Variants in GATB observed in about 807,000 individuals in gnomAD.
GATB encodes glutamyl-tRNA amidotransferase subunit B, also known as glutamyl-tRNA(Gln) amidotransferase subunit B, mitochondrial.
A neutral mutation model predicts 62.3 loss-of-function variants in GATB; 39 were observed. That is an observed-to-expected ratio of 0.63 (90% confidence interval 0.48 to 0.82). The LOEUF is 0.82. Among genes scored for constraint, GATB ranks in the 40% least tolerant of loss-of-function variants. The pLI, the probability that GATB is intolerant of heterozygous loss-of-function variation, is 0.00. For synonymous variants in GATB, 276 were observed against 258.9 expected (o/e 1.07, Z -0.63); for missense variants, 670 against 684.0 (o/e 0.98, Z 0.23).
At position 151,679,769 on chromosome 4, in the gene GATB, T is replaced by C. The variant is rs572270367; in HGVS notation, c.1410+44A>G. On this transcript the variant is annotated intron_variant, in intron 11 of 12. Coordinates refer to ENST00000263985, the MANE Select transcript of GATB (RefSeq NM_004564.3). ...TTTGGGTGTCACAGAAAACATTTCT[T>C]GGGACAGTAGCACAGTCAGAAGCTG... The C allele has an allele frequency of 2.8e-5, 43 of 1,528,092 alleles. No individual in the cohort carries two copies. In the Admixed American group the frequency reaches 6.0e-4, roughly 21 times the overall value. The allele number at this position is 1,528,092 out of a possible 1,614,324, so 94.7% of individuals were successfully genotyped here. A position where few individuals can be genotyped will look rare whatever the true frequency, so the allele number is the denominator to read the frequency against.
At chr4:151,722,363 A>C in intron 2 of GATB, 1 of 603,036 alleles carries the variant, frequency 1.7e-6, no homozygotes, top group Non-Finnish European at 2.9e-6. Flanking sequence ...TGTCTTTCAT[A>C]CTAGGGTGAT....
chr4:151,670,890 C>A lies in GATB; in HGVS notation c.*284G>T. ...ATACATTTTATTTAGTTTAAAATTCCTTAATACAAGAAGGTGTTACTCCTT... is the reference window on the plus strand; with the variant it reads ...ATACATTTTATTTAGTTTAAAATTCATTAATACAAGAAGGTGTTACTCCTT... On this transcript the variant is annotated 3_prime_UTR_variant, in exon 13 of 13. Transcript: ENST00000263985. The A allele has an allele frequency of 3.0e-6, 1 of 333,088 alleles. No individual in the cohort carries two copies. The highest frequency in any genetic ancestry group is 4.8e-5 in the East Asian group (1 of 20,784). The allele number at this position is 333,088 out of a possible 1,614,324, so 20.6% of individuals were successfully genotyped here.
chr4:151,735,418 C>T (rs1337796322), intron 2 of GATB, among the ~76,000 whole-genome samples: 2 of 151,898 alleles, frequency 1.3e-5, no homozygotes, highest in African/African-American at 4.8e-5. Context: ...CAAGAAGGGC[C>T]ATAATCAAAA....
intron 2 of GATB, among the ~76,000 whole-genome samples, chr4:151,750,085 G>C (rs1739687709): frequency 6.6e-6 from 1 of 152,112 alleles, no homozygotes; most frequent in South Asian, 2.1e-4. Flanking sequence ...GTTTCACCGT[G>C]TTAGCCAGGA....
At chr4:151,740,576 G>T (rs570620356) in intron 2 of GATB, among the ~76,000 whole-genome samples, 2 of 152,194 alleles carry the variant, frequency 1.3e-5, no homozygotes. Flanking sequence ...CATATATGTA[G>T]TCTGTTGTTA....
At chr4:151,756,019 T>C (rs572951156) in intron 2 of GATB, among the ~76,000 whole-genome samples, 1 of 152,216 alleles carries the variant, frequency 6.6e-6, no homozygotes, top group African/African-American at 2.4e-5. Flanking sequence ...AACAGAAGAA[T>C]TGAGAGCCAA....
chr4:151,729,893 C>A (rs776781038), intron 2 of GATB, among the ~76,000 whole-genome samples: 6 of 152,146 alleles, frequency 3.9e-5, no homozygotes, highest in Non-Finnish European at 7.3e-5. Flanking sequence ...GACTAGATTG[C>A]AGCTCCAGAC....
intron 2 of GATB, among the ~76,000 whole-genome samples, chr4:151,744,703 A>G (rs1011437507): frequency 2.6e-5 from 4 of 152,216 alleles, no homozygotes; most frequent in Non-Finnish European, 5.9e-5. Context: ...CTGTGAAGAG[A>G]GAGGCTTTCA....
chr4:151,758,706 A>G (rs1047830807), intron 2 of GATB, 66 bp downstream of exon 2: 7 of 1,261,884 alleles, frequency 5.5e-6, no homozygotes, highest in Non-Finnish European at 7.6e-6. Flanking sequence ...ACAAGAAAAT[A>G]ATTTTCCATG....
rs1300287847 is a variant in GATB, at chr4:151,701,441, T to C, written c.1085A>G (p.Gln362Arg). ...CCGAATCTGGTCAATATTGATCACTTGCTGTGGGTCTGCACCTGCGGGCAG... is the reference window on the plus strand; with the variant it reads ...CCGAATCTGGTCAATATTGATCACTCGCTGTGGGTCTGCACCTGCGGGCAG... ...TSLPAGADPQ[Q>R]VINIDQIRET... The change falls in exon 9 of 13, where the codon CAA becomes CGA. Residue 362 changes from glutamine (Q) to arginine (R), a missense_variant. Physicochemically the swap from Gln to Arg is conservative, Grantham distance 43. Transcript: ENST00000263985. 6.2e-7 allele frequency: 1 copy of C among 1,603,654 alleles called. No homozygotes were observed.
intron 2 of GATB, chr4:151,722,231 C>A: frequency 2.8e-6 from 2 of 702,328 alleles, no homozygotes; most frequent in South Asian, 3.0e-5. Flanking sequence ...AAAAAAAATT[C>A]TTAAATGTCT....
intron 2 of GATB, among the ~76,000 whole-genome samples, chr4:151,724,798 A>G (rs1739103855): frequency 6.6e-6 from 1 of 152,132 alleles, no homozygotes; most frequent in Non-Finnish European, 1.5e-5. Context: ...TTCCCCAAAC[A>G]GACTGAGTTC....
At chr4:151,677,323 C>T (rs1232402160) in intron 11 of GATB, 1 of 152,090 alleles carries the variant, frequency 6.6e-6, no homozygotes, top group East Asian at 1.9e-4. Flanking sequence ...AAATCAAATC[C>T]TCCCTGATAC....
chr4:151,683,534 C>T (rs1738186804), intron 10 of GATB, among the ~76,000 whole-genome samples: 1 of 152,144 alleles, frequency 6.6e-6, no homozygotes, highest in African/African-American at 2.4e-5. Context: ...CCAGGGCTGC[C>T]GCTGCTGCCT....
intron 2 of GATB, among the ~76,000 whole-genome samples, chr4:151,725,302 G>A (rs1739116478): frequency 6.6e-6 from 1 of 152,238 alleles, no homozygotes; most frequent in African/African-American, 2.4e-5. Context: ...GGGGCTCTAG[G>A]ATCTGTAGCC....
At chr4:151,731,196 G>A (rs920021295) in intron 2 of GATB, among the ~76,000 whole-genome samples, 1 of 140,840 alleles carries the variant, frequency 7.1e-6, no homozygotes, top group African/African-American at 2.6e-5. Context: ...TGCCATCTCC[G>A]CTCACTGCAA....
intron 9 of GATB, among the ~76,000 whole-genome samples, chr4:151,690,227 C>T (rs1339669839): frequency 1.3e-5 from 2 of 152,200 alleles, no homozygotes; most frequent in Non-Finnish European, 2.9e-5. Context: ...AGCAGAAATT[C>T]CATAATAATA....
At chr4:151,736,685 G>A (rs1739380942) in intron 2 of GATB, among the ~76,000 whole-genome samples, 1 of 152,190 alleles carries the variant, frequency 6.6e-6, no homozygotes, top group African/African-American at 2.4e-5. Context: ...GTACTGATAT[G>A]GTTTGGCTGT....
At chr4:151,744,109 T>C (rs1448938116) in intron 2 of GATB, among the ~76,000 whole-genome samples, 2 of 152,214 alleles carry the variant, frequency 1.3e-5, no homozygotes, top group Admixed American at 1.3e-4. Flanking sequence ...GAGCAATAAC[T>C]GATGTTGCTG....
Sources: allele counts gnomAD v4.1 joint callset (sites outside exome capture counted in the v4.1 genomes callset), GRCh38; gene constraint gnomAD v4.1.1; transcripts MANE v1.5; gene names NCBI Gene and HGNC (gene_info 2026-07-23, HGNC 2026-07-21).